JADE3: variants seen among roughly 807,000 people sequenced by gnomAD.
JADE3 encodes protein Jade-3.
A neutral mutation model predicts 50.1 loss-of-function variants in JADE3; 2 were observed. That is an observed-to-expected ratio of 0.04 (90% CI 0.02 to 0.13). The LOEUF (loss-of-function observed/expected upper bound fraction) is 0.13. Among genes scored for constraint, JADE3 ranks in the 10% least tolerant of loss-of-function variants. The pLI, the probability that JADE3 is intolerant of heterozygous loss-of-function variation, is 1.00. For synonymous variants in JADE3, 218 were observed against 232.9 expected (o/e 0.94, Z 0.58); for missense variants, 475 against 634.4 (o/e 0.75, Z 2.70).
At chrX:47,024,945 C>G in intron 5 of JADE3, 31 bp downstream of exon 5, 3 of 871,017 alleles carry the variant, frequency 3.4e-6, no homozygotes, top group Non-Finnish European at 4.8e-6. Flanking sequence ...TAAGTTGTGA[C>G]TTAATTCATG....
intron 6 of JADE3, among the ~76,000 whole-genome samples, chrX:47,029,820 A>G (rs1928979897): frequency 8.9e-6 from 1 of 111,847 alleles, no homozygotes; most frequent in African/African-American, 3.2e-5. Flanking sequence ...CTTAAGTATT[A>G]TATCTCACAA....
chrX:47,002,915 G>T (rs1400490316), intron 4 of JADE3, among the ~76,000 whole-genome samples: 1 of 111,334 alleles, frequency 9.0e-6, no homozygotes, highest in Non-Finnish European at 1.9e-5. Context: ...AATATATTAA[G>T]TATGATATTA....
Position 47,060,462 on chromosome X carries a change from A to T in JADE3, c.*1385A>T, listed in dbSNP as rs781826621. ...CTTACTGGTGAAACAGCCCAGTTGT[A>T]GTAGGTGCCAGTCAGTCAAGGCAGG... On this transcript the variant is annotated 3_prime_UTR_variant, in exon 11 of 11. Coordinates refer to ENST00000614628, the MANE Select transcript of JADE3 (RefSeq NM_014735.5). 8.9e-6 allele frequency: 1 copy of T among 111,975 alleles called. No individual in the cohort carries two copies. The highest frequency in any genetic ancestry group is 3.8e-4 in the South Asian group (1 of 2,634). The allele number at this position is 111,975 out of a possible 1,213,427, so 9.2% of individuals were successfully genotyped here.
intron 8 of JADE3, among the ~76,000 whole-genome samples, chrX:47,049,553 C>T (rs1311931714): frequency 9.2e-6 from 1 of 108,680 alleles, no homozygotes; most frequent in Non-Finnish European, 1.9e-5. Flanking sequence ...ACTTCCCAGG[C>T]TCCCACCTCA....
chrX:46,990,806 A>T (rs782551049), intron 3 of JADE3, among the ~76,000 whole-genome samples: 1 of 110,278 alleles, frequency 9.1e-6, no homozygotes, highest in East Asian at 2.9e-4. Flanking sequence ...GAACATTTTC[A>T]TCATCTCAGA....
intron 1 of JADE3, among the ~76,000 whole-genome samples, chrX:46,971,334 T>A (rs1010513936): frequency 4.6e-5 from 5 of 107,557 alleles, no homozygotes; most frequent in Non-Finnish European, 9.6e-5. Context: ...CAGGCTGGTC[T>A]GAAACTCCTG....
intron 1 of JADE3, among the ~76,000 whole-genome samples, chrX:46,972,902 A>G (rs1483934929): frequency 8.9e-6 from 1 of 112,154 alleles, no homozygotes; most frequent in African/African-American, 3.2e-5. Flanking sequence ...CCCGGCTGGA[A>G]TAAAGTTTTA....
chrX:46,982,922 G>A (rs1052164492), intron 1 of JADE3, among the ~76,000 whole-genome samples: 1 of 111,358 alleles, frequency 9.0e-6, no homozygotes, highest in South Asian at 3.9e-4. Context: ...TCCACCTCCC[G>A]GGTTCAAGCA....
At chrX:46,913,130 G>T (rs1371551779) in intron 1 of JADE3, among the ~76,000 whole-genome samples, 7 of 112,440 alleles carry the variant, frequency 6.2e-5, no homozygotes, top group African/African-American at 2.2e-4. Flanking sequence ...CCTGGCTTCG[G>T]GGCTGACGGG....
chrX:46,941,099 C>T (rs781862503), intron 1 of JADE3, among the ~76,000 whole-genome samples: 6 of 109,513 alleles, frequency 5.5e-5, no homozygotes, highest in Non-Finnish European at 1.1e-4. Context: ...CCTCTCTCCC[C>T]ATCTAGTAGT....
At chrX:46,990,458 T>C (rs1175162326) in intron 3 of JADE3, among the ~76,000 whole-genome samples, 1 of 111,065 alleles carries the variant, frequency 9.0e-6, no homozygotes, top group Non-Finnish European at 1.9e-5. Flanking sequence ...GAGGTGGAAA[T>C]TCCCACCACT....
At chrX:47,028,902 A>G (rs1306521651) in intron 6 of JADE3, among the ~76,000 whole-genome samples, 1 of 111,671 alleles carries the variant, frequency 9.0e-6, no homozygotes, top group Non-Finnish European at 1.9e-5. Context: ...CCCAGCTATC[A>G]AAAATCTATA....
rs1348797239 is a variant in JADE3 at position 47,051,711 on chromosome X, C to T, written c.973-2447C>T. Among the ~76,000 whole-genome samples the T allele has an allele frequency of 8.2e-5, 9 of 109,905 alleles. 1 individual carries two copies. Among genetic ancestry groups the T allele is most frequent in the Non-Finnish European group, 5.7e-5 (3 of 52,639 alleles). ...ACTCGGGAGGCTGAGGCAAGAGAATCGATTGAACCCAGGAGGCAGAGGTTA... is the reference window on the plus strand; with the variant it reads ...ACTCGGGAGGCTGAGGCAAGAGAATTGATTGAACCCAGGAGGCAGAGGTTA... On this transcript the variant is annotated intron_variant, in intron 8 of 10. Transcript: ENST00000614628.
intron 1 of JADE3, among the ~76,000 whole-genome samples, chrX:46,965,654 T>C (rs1927350976): frequency 9.0e-6 from 1 of 111,278 alleles, no homozygotes; most frequent in Admixed American, 9.6e-5. Flanking sequence ...TTAGTTTATA[T>C]GTTTTAAAAG....
chrX:46,916,112 G>C (rs904558977), intron 1 of JADE3, among the ~76,000 whole-genome samples: 4 of 111,462 alleles, frequency 3.6e-5, no homozygotes, highest in African/African-American at 6.5e-5. Flanking sequence ...ATACCAGCAT[G>C]GCCAATACAC....
At position 46,979,873 on chromosome X, in the gene JADE3, A is replaced by ATT. The variant is rs56397998; in HGVS notation, c.-11-4986_-11-4985dup. Among the ~76,000 whole-genome samples the ATT allele has an allele frequency of 3.5e-3, 220 of 63,138 alleles. 9 individuals carry two copies. The highest frequency in any genetic ancestry group is 0.015 in the Admixed American group (79 of 5,446). The allele number at this position is 63,138 out of a possible 115,157, so 54.8% of individuals were successfully genotyped here. ...TTCCTCTTTGGTAAAATGTCTGCTG[A>ATT]TTTTTTTTTTTTTTTTTTTTTTTTT... On this transcript the variant is annotated intron_variant, in intron 1 of 10. Coordinates refer to ENST00000614628, the MANE Select transcript of JADE3 (RefSeq NM_014735.5).
chrX:46,926,898 A>G lies in JADE3; in HGVS notation c.-12+14179A>G, dbSNP rs4645667. 3.3e-3 allele frequency among the ~76,000 whole-genome samples: 366 copies of G among 112,503 alleles called. 1 individual carries two copies. Among genetic ancestry groups the G allele is most frequent in the African/African-American group, 0.011 (351 of 31,002 alleles). ...CAAATATACCACAGCTTGTTTAATCATTCACCATTGAAAGGCATTTGAGTT... is the reference window on the plus strand; with the variant it reads ...CAAATATACCACAGCTTGTTTAATCGTTCACCATTGAAAGGCATTTGAGTT... On this transcript the variant is annotated intron_variant, in intron 1 of 10. Coordinates refer to ENST00000614628, the MANE Select transcript of JADE3 (RefSeq NM_014735.5).
At chrX:47,038,002 T>C (rs1427918004) in intron 7 of JADE3, among the ~76,000 whole-genome samples, 23 of 110,932 alleles carry the variant, frequency 2.1e-4, no homozygotes, top group African/African-American at 7.5e-4. Context: ...TTGAGTTCAG[T>C]TGTTTTTATT....
intron 4 of JADE3, among the ~76,000 whole-genome samples, chrX:47,018,027 A>G (rs1209109985): frequency 1.8e-5 from 2 of 111,966 alleles, no homozygotes; most frequent in Non-Finnish European, 3.8e-5. Context: ...TTGATTCTTC[A>G]TTGTCTTATA....
Sources: allele counts gnomAD v4.1 joint callset (sites outside exome capture counted in the v4.1 genomes callset), GRCh38; gene constraint gnomAD v4.1.1; transcripts MANE v1.5; gene names NCBI Gene and HGNC (gene_info 2026-07-23, HGNC 2026-07-21).